Variants in CCDC13 observed in about 807,000 individuals in gnomAD.
The protein encoded by CCDC13 is coiled-coil domain containing 13.
In CCDC13, 70 loss-of-function variants were observed where a neutral mutation model predicts 87.3. That is an observed-to-expected ratio of 0.80 (90% CI 0.66 to 0.98). CCDC13 has a LOEUF of 0.98. Among genes scored for constraint, CCDC13 ranks in the 50% least tolerant of loss-of-function variants. The pLI, the probability that CCDC13 is intolerant of heterozygous loss-of-function variation, is 0.00. For synonymous variants in CCDC13, 317 were observed against 360.3 expected (o/e 0.88, Z 1.36); for missense variants, 842 against 892.0 (o/e 0.94, Z 0.71).
chr3:42,760,210 G>A (rs1035449348), intron 1 of CCDC13, among the ~76,000 whole-genome samples: 1 of 151,972 alleles, frequency 6.6e-6, no homozygotes, highest in Admixed American at 6.6e-5. Context: ...AGAATTGCTT[G>A]AACCCAGGAG....
At chr3:42,743,602 C>CATATATATAT (rs1559651759) in intron 7 of CCDC13, among the ~76,000 whole-genome samples, 1 of 71,022 alleles carries the variant, frequency 1.4e-5, no homozygotes, top group East Asian at 4.3e-4. Flanking sequence ...TATATATATA[C>CATATATATAT]ACACACACAT....
chr3:42,728,087 A>G (rs1698732917), intron 13 of CCDC13, among the ~76,000 whole-genome samples: 1 of 152,236 alleles, frequency 6.6e-6, no homozygotes, highest in African/African-American at 2.4e-5. Flanking sequence ...CTCCTATTGT[A>G]AGTAACTAGA....
chr3:42,709,115 A>C lies in CCDC13; in HGVS notation c.2013T>G (p.Asn671Lys). ...TGCCCAGGGCAGCCTTTAGCATTTC[A>C]TTCTCCTCCACCTGGATGGCCAGCC... ...TTRLAIQVEE[N>K]EMLKAALGSA... The change falls in exon 16 of 16, where the codon AAT becomes AAG. Residue 671 changes from asparagine (N) to lysine (K), a missense_variant. By Grantham distance (94) the Asn-to-Lys change is moderately conservative. Transcript: ENST00000310232. 1 of 1,612,508 alleles carries C rather than the reference A, an allele frequency of 6.2e-7. No homozygotes were observed. Among genetic ancestry groups the C allele is most frequent in the Non-Finnish European group, 8.5e-7 (1 of 1,179,136 alleles).
chr3:42,754,748 A>G (rs1699669241), intron 3 of CCDC13, among the ~76,000 whole-genome samples: 1 of 152,206 alleles, frequency 6.6e-6, no homozygotes, highest in Non-Finnish European at 1.5e-5. Context: ...GGAACTGGCT[A>G]TCAGAAAGAG....
At chr3:42,721,251 C>A (rs182751335) in intron 13 of CCDC13, among the ~76,000 whole-genome samples, 1 of 152,282 alleles carries the variant, frequency 6.6e-6, no homozygotes, top group African/African-American at 2.4e-5. Flanking sequence ...TGTCCTAAGA[C>A]TTTTTATCAT....
chr3:42,757,112 G>A lies in CCDC13; in HGVS notation c.324C>T (p.Ile108=), dbSNP rs866378228. The A allele has an allele frequency of 6.2e-7, 1 of 1,614,140 alleles. No homozygotes were observed. The highest frequency in any genetic ancestry group is 1.1e-5 in the South Asian group (1 of 91,080). ...YKLLKERDFE[I]KHLKKKIEED... ...CTTCTATTTTCTTTTTGAGGTGTTT[G>A]ATTTCAAAGTCCCTTTCCTTCAGCA... The change falls in exon 3 of 16, where the codon ATC becomes ATT. Residue 108 remains isoleucine, a synonymous_variant. Coordinates refer to ENST00000310232, the MANE Select transcript of CCDC13 (RefSeq NM_144719.4).
At chr3:42,717,234 T>C (rs1698451028) in intron 13 of CCDC13, among the ~76,000 whole-genome samples, 1 of 152,078 alleles carries the variant, frequency 6.6e-6, no homozygotes, top group African/African-American at 2.4e-5. Context: ...AAGACCAGCC[T>C]GGCCAACATG....
chr3:42,732,933 C>T lies in CCDC13; in HGVS notation c.1549G>A (p.Ala517Thr), dbSNP rs762793296. The T allele has an allele frequency of 6.4e-7, 1 of 1,554,184 alleles. No individual in the cohort carries two copies. Among genetic ancestry groups the T allele is most frequent in the South Asian group, 1.2e-5 (1 of 84,210 alleles). ...CTGGGCAGGGAAGGCCTCGTGAGAG[C>T]AGATTCCACCAGTGTGTGGCCCAGG... is the stretch of plus-strand genomic sequence containing the variant. Reference protein sequence around the residue: ...TSLGHTLVESALTRPSLPSPH... With the variant: ...TSLGHTLVESTLTRPSLPSPH... The change falls in exon 12 of 16, where the codon GCT (alanine) becomes ACT (threonine). Residue 517 changes from alanine (A) to threonine (T), a missense_variant. Coordinates refer to ENST00000310232, the MANE Select transcript of CCDC13 (RefSeq NM_144719.4).
intron 13 of CCDC13, 148 bp downstream of exon 13, chr3:42,730,319 G>A (rs955114701): frequency 5.2e-5 from 58 of 1,113,846 alleles, no homozygotes; most frequent in Non-Finnish European, 7.0e-5. Context: ...CCAAGGTTGT[G>A]GGGCGCATGA....
chr3:42,762,718 C>T (rs768091136), intron 1 of CCDC13, among the ~76,000 whole-genome samples: 8 of 152,286 alleles, frequency 5.3e-5, no homozygotes, highest in Middle Eastern at 3.4e-3. Context: ...GATTTTGACC[C>T]GTATTCTTTC....
At chr3:42,753,997 T>A (rs564464418) in intron 3 of CCDC13, among the ~76,000 whole-genome samples, 68 of 152,318 alleles carry the variant, frequency 4.5e-4, no homozygotes, top group African/African-American at 1.6e-3. Flanking sequence ...TGGGTAGCCC[T>A]GACAGTCCCT....
chr3:42,712,167 G>C (rs1315610310), intron 14 of CCDC13, among the ~76,000 whole-genome samples: 2 of 152,134 alleles, frequency 1.3e-5, no homozygotes, highest in African/African-American at 4.8e-5. Flanking sequence ...TGAGGACTGA[G>C]ACCAAGGGTC....
chr3:42,747,057 C>T (rs2125900325), intron 6 of CCDC13, 200 bp downstream of exon 6: 1 of 678,774 alleles, frequency 1.5e-6, no homozygotes, highest in East Asian at 2.7e-5. Context: ...CTCAGGTAGC[C>T]AGCGACTCTG....
At chr3:42,752,143 C>A in intron 4 of CCDC13, 118 bp from the exon 5 acceptor site, 1 of 810,610 alleles carries the variant, frequency 1.2e-6, no homozygotes, top group Non-Finnish European at 2.0e-6. Flanking sequence ...TTTTAGCTCA[C>A]TTTAGGATCA....
intron 1 of CCDC13, among the ~76,000 whole-genome samples, chr3:42,769,276 T>C (rs1007661029): frequency 6.6e-6 from 1 of 152,102 alleles, no homozygotes; most frequent in Non-Finnish European, 1.5e-5. Flanking sequence ...AAAACAAAAA[T>C]GAGATACCAT....
chr3:42,708,858 A>T lies in CCDC13; in HGVS notation c.*122T>A, dbSNP rs1367632040. The T allele has an allele frequency of 2.0e-6, 2 of 996,932 alleles. No homozygotes were observed. Among genetic ancestry groups the T allele is most frequent in the East Asian group, 5.4e-5 (2 of 36,850 alleles). The allele number at this position is 996,932 out of a possible 1,614,324, so 61.8% of individuals were successfully genotyped here. A position where few individuals can be genotyped will look rare whatever the true frequency, so the allele number is the denominator to read the frequency against. The stretch of plus-strand genomic sequence containing the variant: ...TCATCCTTAAGGAGCCTCTTCTGGT[A>T]GAAGTGGTTGAGCTGGCTGCCCTGG... On this transcript the variant is annotated 3_prime_UTR_variant, in exon 16 of 16. Coordinates refer to ENST00000310232, the MANE Select transcript of CCDC13 (RefSeq NM_144719.4).
At chr3:42,749,873 A>G (rs755299597) in intron 5 of CCDC13, 267 of 456,588 alleles carry the variant, frequency 5.8e-4, no homozygotes, top group Non-Finnish European at 1.1e-3. Flanking sequence ...CCACTCTGGA[A>G]TGTGCTTTGG....
chr3:42,767,101 AG>A (rs2125915055), intron 1 of CCDC13, among the ~76,000 whole-genome samples: 1 of 152,300 alleles, frequency 6.6e-6, no homozygotes, highest in African/African-American at 2.4e-5. Context: ...TATTTTGGAA[AG>A]GAAGAAATAA....
At chr3:42,747,088 C>A in intron 6 of CCDC13, 169 bp downstream of exon 6, 3 of 748,802 alleles carry the variant, frequency 4.0e-6, no homozygotes, top group Non-Finnish European at 7.3e-6. Flanking sequence ...GGTTATGGAC[C>A]AAGGGCTGGT....
Sources: gnomAD v4.1 joint callset for allele counts (sites outside exome capture counted in the v4.1 genomes callset) on GRCh38, gnomAD v4.1.1 for gene constraint, MANE v1.5 for transcripts, NCBI Gene and HGNC (gene_info 2026-07-23, HGNC 2026-07-21) for gene names.